PTPRT: variants seen among roughly 807,000 people sequenced by gnomAD.
PTPRT encodes the protein receptor-type tyrosine-protein phosphatase T.
In PTPRT, 56 loss-of-function variants were observed where a neutral mutation model predicts 176.8. That is an observed-to-expected ratio of 0.32 (90% confidence interval 0.26 to 0.40). The LOEUF (loss-of-function observed/expected upper bound fraction) is 0.40, where lower values mean the gene tolerates loss of function less well. PTPRT is among the 10% of genes least tolerant of loss of function. The pLI, the probability that PTPRT is intolerant of heterozygous loss-of-function variation, is 1.00. For synonymous variants in PTPRT, 783 were observed against 739.0 expected (o/e 1.06, Z -0.96); for missense variants, 1,540 against 1,908.2 (o/e 0.81, Z 3.60).
intron 1 of PTPRT, among the ~76,000 whole-genome samples, chr20:43,111,027 G>C (rs2012836053): frequency 6.6e-6 from 1 of 152,110 alleles, no homozygotes; most frequent in Admixed American, 6.6e-5. Flanking sequence ...ACTACATCTG[G>C]AAATGGCTGG....
chr20:42,540,688 C>A (rs560470031), intron 7 of PTPRT, among the ~76,000 whole-genome samples: 1 of 151,796 alleles, frequency 6.6e-6, no homozygotes, highest in African/African-American at 2.4e-5. Flanking sequence ...ATGAAGCAAA[C>A]AAACCATAAA....
At chr20:42,667,206 T>C (rs1369426097) in intron 7 of PTPRT, among the ~76,000 whole-genome samples, 2 of 152,192 alleles carry the variant, frequency 1.3e-5, no homozygotes, top group African/African-American at 4.8e-5. Flanking sequence ...GATTCTGGAT[T>C]TCAGGAGCTA....
At chr20:42,719,086 T>G (rs2076268967) in intron 6 of PTPRT, among the ~76,000 whole-genome samples, 1 of 152,100 alleles carries the variant, frequency 6.6e-6, no homozygotes, top group Non-Finnish European at 1.5e-5. Context: ...GCTGAAGAAA[T>G]GAATGGTTGA....
rs150122654 is a variant in PTPRT, at chr20:43,136,721, G to A, written c.88+52925C>T. Among the ~76,000 whole-genome samples, 418 of 152,280 alleles carry A rather than the reference G, an allele frequency of 2.7e-3. 1 individual carries two copies. Among genetic ancestry groups the A allele is most frequent in the African/African-American group, 9.6e-3 (398 of 41,544 alleles). On this transcript the variant is annotated intron_variant, in intron 1 of 30. Coordinates refer to ENST00000373187, the MANE Select transcript of PTPRT (RefSeq NM_007050.6). ...TACGTGTATTTTCTGTTTACTCCCT[G>A]TGCCTCAGCTAGTAAGCGCTTGATC...
chr20:42,843,757 T>C (rs2078320569), intron 2 of PTPRT, among the ~76,000 whole-genome samples: 2 of 152,232 alleles, frequency 1.3e-5, no homozygotes, highest in African/African-American at 4.8e-5. Context: ...TAAAGCCATC[T>C]CTGGCTGAAT....
chr20:42,316,062 A>G, intron 11 of PTPRT, 66 bp from the exon 12 acceptor site: 1 of 1,550,940 alleles, frequency 6.4e-7, no homozygotes, highest in South Asian at 1.2e-5. Flanking sequence ...TGTTAGCTCT[A>G]ATGGTGTCAA....
intron 28 of PTPRT, 141 bp downstream of exon 28, chr20:42,085,587 A>G (rs1983807677): frequency 1.6e-6 from 2 of 1,286,478 alleles, no homozygotes; most frequent in Non-Finnish European, 1.1e-6. Flanking sequence ...CGGAATCAGC[A>G]CAGGCATCAC....
At chr20:42,098,702 G>A (rs1017775460) in intron 26 of PTPRT, 150 bp from the exon 27 acceptor site, 5 of 973,712 alleles carry the variant, frequency 5.1e-6, no homozygotes, top group Admixed American at 3.0e-5. Context: ...TCCACGCCCT[G>A]GCGGCAAAGG....
chr20:42,723,664 C>T (rs1341140463), intron 6 of PTPRT, among the ~76,000 whole-genome samples: 2 of 152,206 alleles, frequency 1.3e-5, no homozygotes, highest in Admixed American at 6.5e-5. Context: ...CCCAATGTAG[C>T]CAACTGTGTG....
At chr20:42,266,024 G>C (rs984248334) in intron 13 of PTPRT, among the ~76,000 whole-genome samples, 1 of 152,160 alleles carries the variant, frequency 6.6e-6, no homozygotes, top group African/African-American at 2.4e-5. Context: ...AGGAAATAAA[G>C]GAATAATAAG....
At chr20:42,039,213 A>G in the PTPRT span, among the ~76,000 whole-genome samples, 1,833 of 152,270 alleles carry the variant, frequency 0.012, 98 homozygotes, top group Admixed American at 0.084. Context: ...AAAAATGTTT[A>G]TTTTAATTGA....
At chr20:42,171,816 C>A (rs189327359) in intron 16 of PTPRT, among the ~76,000 whole-genome samples, 38 of 152,194 alleles carry the variant, frequency 2.5e-4, no homozygotes, top group Admixed American at 2.4e-3. Flanking sequence ...ACTACACTGT[C>A]CTGACAAGCA....
chr20:42,059,226 C>T, the PTPRT span, among the ~76,000 whole-genome samples: 1 of 152,124 alleles, frequency 6.6e-6, no homozygotes, highest in Non-Finnish European at 1.5e-5. Context: ...TTAGACTACA[C>T]AGACTGCCCC....
intron 13 of PTPRT, among the ~76,000 whole-genome samples, chr20:42,282,067 A>C (rs2057148488): frequency 6.6e-6 from 1 of 152,102 alleles, no homozygotes; most frequent in Non-Finnish European, 1.5e-5. Flanking sequence ...TAATCACCTC[A>C]TTTTTGAAAG....
intron 16 of PTPRT, among the ~76,000 whole-genome samples, chr20:42,192,773 C>G (rs1028700947): frequency 2.6e-5 from 4 of 152,152 alleles, no homozygotes; most frequent in African/African-American, 9.7e-5. Context: ...ATTCTTTGCT[C>G]CTCTCTCTCT....
At chr20:42,761,418 G>C (rs1437722520) in intron 5 of PTPRT, among the ~76,000 whole-genome samples, 1 of 149,396 alleles carries the variant, frequency 6.7e-6, no homozygotes, top group Non-Finnish European at 1.5e-5. Flanking sequence ...TGGGCAATAA[G>C]AGAGAAATTC....
At chr20:42,311,125 C>T (rs1449189950) in intron 12 of PTPRT, among the ~76,000 whole-genome samples, 3 of 152,158 alleles carry the variant, frequency 2.0e-5, no homozygotes, top group Non-Finnish European at 2.9e-5. Context: ...CATTATTTCA[C>T]TTATTTATTT....
At chr20:42,703,096 C>T (rs2075998617) in intron 6 of PTPRT, among the ~76,000 whole-genome samples, 1 of 152,158 alleles carries the variant, frequency 6.6e-6, no homozygotes, top group African/African-American at 2.4e-5. Flanking sequence ...CAATTCTGCC[C>T]AACTGCAATC....
At chr20:42,087,496 C>T (rs908965626) in intron 27 of PTPRT, among the ~76,000 whole-genome samples, 1 of 151,692 alleles carries the variant, frequency 6.6e-6, no homozygotes, top group East Asian at 2.0e-4. Context: ...ATCCACCCAC[C>T]TTGGCCTCCC....
Sources: allele counts gnomAD v4.1 joint callset (sites outside exome capture counted in the v4.1 genomes callset), GRCh38; gene constraint gnomAD v4.1.1; transcripts MANE v1.5; gene names NCBI Gene and HGNC (gene_info 2026-07-23, HGNC 2026-07-21).